Variants in WDR19 observed in about 807,000 individuals in gnomAD.
WDR19 encodes WD repeat-containing protein 19.
WDR19 carries 121 observed loss-of-function variants against 180.0 expected under a neutral mutation model. The ratio of observed to expected loss-of-function variants is 0.67; its 90% confidence interval spans 0.58 to 0.78. The LOEUF (loss-of-function observed/expected upper bound fraction) is 0.78. Ranked by LOEUF, WDR19 falls within the 30% of genes least tolerant of loss-of-function variation. The probability of loss-of-function intolerance (pLI) is 0.00; values close to 1 mark genes in which losing one functional copy is unlikely to be tolerated. For synonymous variants in WDR19, 497 were observed against 540.7 expected, an observed-to-expected ratio of 0.92 and a Z score of 1.12; for missense variants, 1,450 against 1,640.7, an observed-to-expected ratio of 0.88 and a Z score of 2.01.
At chr4:39,274,991 C>A (rs751162064) in intron 33 of WDR19, 33 bp downstream of exon 33, 6 of 1,578,154 alleles carry the variant, frequency 3.8e-6, no homozygotes, top group African/African-American at 3.5e-5. Context: ...GCTATCTAAT[C>A]GTATTTCTCA....
intron 9 of WDR19, among the ~76,000 whole-genome samples, chr4:39,212,382 G>A (rs536651632): frequency 2.0e-5 from 3 of 152,272 alleles, no homozygotes; most frequent in African/African-American, 7.2e-5. Flanking sequence ...TTTGGATCTA[G>A]GGTTAGGCAA....
chr4:39,282,387 T>C (rs140608122), intron 36 of WDR19, among the ~76,000 whole-genome samples: 14 of 152,310 alleles, frequency 9.2e-5, no homozygotes, highest in African/African-American at 2.9e-4. Flanking sequence ...TCCTCATCAC[T>C]GTTTTGCAGG....
In WDR19 at chr4:39,245,397, G is replaced by A. The variant is rs551049157; in HGVS notation, c.2674G>A (p.Val892Ile). The stretch of plus-strand genomic sequence containing the variant: ...AAAAGTTGGTGATCTTCTGCCCCAC[G>A]TTTCTTCTCCTAAGATCCATTTGCA... ...WAKVGDLLPHVSSPKIHLQYA... is the reference protein window; with the variant it reads ...WAKVGDLLPHISSPKIHLQYA... Residue 892 changes from valine to isoleucine, a missense_variant, in exon 24 of 37, where the codon GTT becomes ATT. Transcript: ENST00000399820. 1.5e-5 allele frequency: 24 copies of A among 1,613,574 alleles called. No individual in the cohort carries two copies. The highest frequency in any genetic ancestry group is 1.1e-4 in the South Asian group (10 of 90,962).
intron 1 of WDR19, among the ~76,000 whole-genome samples, chr4:39,185,299 G>T (rs1725396151): frequency 6.6e-6 from 1 of 152,202 alleles, no homozygotes; most frequent in Non-Finnish European, 1.5e-5. Flanking sequence ...AAGGAGTAAA[G>T]ACATTTTGTG....
intron 5 of WDR19, 175 bp downstream of exon 5, chr4:39,194,834 A>T: frequency 1.8e-6 from 1 of 571,096 alleles, no homozygotes; most frequent in Non-Finnish European, 3.1e-6. Flanking sequence ...TTCACTGCTT[A>T]CTAAGAACTT....
At chr4:39,205,510 G>T in intron 8 of WDR19, 53 bp from the exon 9 acceptor site, 1 of 1,553,936 alleles carries the variant, frequency 6.4e-7, no homozygotes, top group Admixed American at 2.0e-5. Flanking sequence ...TTACCATGTT[G>T]CCACTGATAG....
chr4:39,234,702 C>G, intron 19 of WDR19, 64 bp from the exon 20 acceptor site: 2 of 1,027,712 alleles, frequency 1.9e-6, no homozygotes, highest in Non-Finnish European at 3.0e-6. Flanking sequence ...AAAACTAGCT[C>G]TTTGTGGTAA....
intron 12 of WDR19, 88 bp downstream of exon 12, chr4:39,216,298 G>T: frequency 9.6e-7 from 1 of 1,042,076 alleles, no homozygotes; most frequent in African/African-American, 1.7e-5. Context: ...TTAGGACCAA[G>T]TCTTTCACTC....
chr4:39,247,543 G>A (rs1732661247), intron 24 of WDR19, among the ~76,000 whole-genome samples: 1 of 152,092 alleles, frequency 6.6e-6, no homozygotes, highest in Admixed American at 6.6e-5. Context: ...GGCTTCAGAA[G>A]ATCAAACTAC....
chr4:39,283,099 G>A (rs1432754682), intron 36 of WDR19, among the ~76,000 whole-genome samples: 3 of 152,168 alleles, frequency 2.0e-5, no homozygotes, highest in Non-Finnish European at 4.4e-5. Context: ...CTATTGTGAT[G>A]TAAGATTTTT....
At chr4:39,283,641 T>C (rs1736815741) in intron 36 of WDR19, among the ~76,000 whole-genome samples, 1 of 152,136 alleles carries the variant, frequency 6.6e-6, no homozygotes, top group Non-Finnish European at 1.5e-5. Context: ...ACATTATAAA[T>C]CCTGTAATAC....
intron 28 of WDR19, among the ~76,000 whole-genome samples, chr4:39,262,257 T>C (rs1039158164): frequency 6.6e-6 from 1 of 152,114 alleles, no homozygotes; most frequent in Non-Finnish European, 1.5e-5. Context: ...AATTGGCCAC[T>C]TTTTTCCCCC....
intron 14 of WDR19, among the ~76,000 whole-genome samples, chr4:39,222,245 G>T (rs921396198): frequency 1.8e-4 from 28 of 152,192 alleles, no homozygotes; most frequent in African/African-American, 6.7e-4. Context: ...CAAATTTTTT[G>T]ACCAATTTTT....
intron 20 of WDR19, among the ~76,000 whole-genome samples, chr4:39,237,090 T>C (rs1183225598): frequency 6.6e-6 from 1 of 152,198 alleles, no homozygotes; most frequent in Non-Finnish European, 1.5e-5. Flanking sequence ...ATTCCAACAT[T>C]CAAAAATATT....
chr4:39,270,152 A>G (rs867485562), intron 31 of WDR19, 52 bp downstream of exon 31: 3 of 1,604,088 alleles, frequency 1.9e-6, no homozygotes, highest in African/African-American at 2.7e-5. Flanking sequence ...TTTGTCCCCC[A>G]TTGAGATTTT....
At chr4:39,198,903 C>T (rs376684969) in intron 5 of WDR19, among the ~76,000 whole-genome samples, 5 of 150,334 alleles carry the variant, frequency 3.3e-5, no homozygotes, top group South Asian at 2.1e-4. Context: ...GAGGCTGAGG[C>T]GGAAGAATTG....
Position 39,199,525 on chromosome 4 carries a change from C to A in WDR19, c.454C>A (p.Leu152Met). ...TTGTGGATGTTGGAATGCAGAAAATCTGCTTGCTTTAGGTGGTGAAGATAA... is the reference window on the plus strand; with the variant it reads ...TTGTGGATGTTGGAATGCAGAAAATATGCTTGCTTTAGGTGGTGAAGATAA... Reference protein sequence around the residue: ...ITCGCWNAENLLALGGEDKMI... With the variant: ...ITCGCWNAENMLALGGEDKMI... The change falls in exon 6 of 37, where the codon CTG (leucine) becomes ATG (methionine). Residue 152 changes from leucine (L) to methionine (M), a missense_variant. Leu to Met is a conservative substitution (Grantham distance 15). Transcript: ENST00000399820. 6.2e-7 allele frequency: 1 copy of A among 1,613,228 alleles called. No individual in the cohort carries two copies. Among genetic ancestry groups the A allele is most frequent in the East Asian group, 2.2e-5 (1 of 44,748 alleles).
chr4:39,244,426 TA>T, intron 22 of WDR19, 38 bp downstream of exon 22: 1 of 1,613,890 alleles, frequency 6.2e-7, no homozygotes, highest in African/African-American at 1.3e-5. Flanking sequence ...TGTGGTCTTT[TA>T]TACATAATAA....
intron 1 of WDR19, 136 bp from the exon 2 acceptor site, chr4:39,185,590 T>C (rs1282282702): frequency 9.4e-6 from 7 of 745,540 alleles, no homozygotes; most frequent in Admixed American, 2.4e-5. Flanking sequence ...TGTTAACTTC[T>C]AGATAAGCTC....
Sources: allele counts gnomAD v4.1 joint callset (sites outside exome capture counted in the v4.1 genomes callset), GRCh38; gene constraint gnomAD v4.1.1; transcripts MANE v1.5; gene names NCBI Gene and HGNC (gene_info 2026-07-23, HGNC 2026-07-21).